The following ZMIZ1 variants were observed in gnomAD, a reference collection of about 807,000 sequenced individuals.
The protein encoded by ZMIZ1 is zinc finger MIZ domain-containing protein 1.
Under a neutral mutation model 113.9 loss-of-function variants are expected in ZMIZ1, and 17 were observed. That is an observed-to-expected ratio of 0.15 (90% CI 0.10 to 0.22). The LOEUF (loss-of-function observed/expected upper bound fraction) is 0.22, where lower values mean the gene tolerates loss of function less well. ZMIZ1 is among the 10% of genes least tolerant of loss of function. The pLI is 1.00. For synonymous variants in ZMIZ1, 607 were observed against 603.1 expected, an observed-to-expected ratio of 1.01 and a Z score of -0.09; for missense variants, 1,059 against 1,477.8, an observed-to-expected ratio of 0.72 and a Z score of 4.65.
intron 2 of ZMIZ1, among the ~76,000 whole-genome samples, chr10:79,138,161 C>T (rs1020404015): frequency 6.6e-5 from 10 of 152,284 alleles, no homozygotes; most frequent in South Asian, 2.1e-4. Flanking sequence ...CCCAGTGCTG[C>T]GGGGTGCCCA....
intron 8 of ZMIZ1, among the ~76,000 whole-genome samples, chr10:79,278,398 A>T (rs986591301): frequency 6.7e-6 from 1 of 149,618 alleles, no homozygotes; most frequent in Non-Finnish European, 1.5e-5. Context: ...TTTTCTTTTT[A>T]TTATTATTAT....
chr10:79,170,324 A>G (rs971758355), intron 4 of ZMIZ1, among the ~76,000 whole-genome samples: 2 of 152,158 alleles, frequency 1.3e-5, no homozygotes, highest in African/African-American at 4.8e-5. Context: ...TTAAAACCTC[A>G]TGACAATCAG....
chr10:79,111,353 AT>A (rs1843730541), intron 1 of ZMIZ1, among the ~76,000 whole-genome samples: 1 of 152,184 alleles, frequency 6.6e-6, no homozygotes, highest in African/African-American at 2.4e-5. Flanking sequence ...GACAAAGAGG[AT>A]TTAGCTCACT....
At chr10:79,234,712 G>C (rs1025058800) in intron 7 of ZMIZ1, among the ~76,000 whole-genome samples, 3 of 152,216 alleles carry the variant, frequency 2.0e-5, no homozygotes, top group Admixed American at 6.5e-5. Context: ...TCTTTGCCTT[G>C]ACAAAATGAT....
intron 7 of ZMIZ1, among the ~76,000 whole-genome samples, chr10:79,249,666 C>T (rs1000703653): frequency 2.6e-5 from 4 of 152,204 alleles, no homozygotes; most frequent in African/African-American, 2.4e-5. Flanking sequence ...TCACATTTCA[C>T]GGGCTAGTGG....
At chr10:79,269,358 C>T (rs1851796243) in intron 7 of ZMIZ1, among the ~76,000 whole-genome samples, 1 of 151,980 alleles carries the variant, frequency 6.6e-6, no homozygotes, top group Non-Finnish European at 1.5e-5. Context: ...GATGCTGCTG[C>T]CATTGCTTCG....
intron 4 of ZMIZ1, among the ~76,000 whole-genome samples, chr10:79,175,185 C>G (rs1220228664): frequency 6.6e-6 from 1 of 152,194 alleles, no homozygotes; most frequent in Non-Finnish European, 1.5e-5. Flanking sequence ...TGGCAGCAAG[C>G]CTTACGCTAA....
At chr10:79,281,795 T>C (rs1852755849) in intron 8 of ZMIZ1, among the ~76,000 whole-genome samples, 2 of 151,986 alleles carry the variant, frequency 1.3e-5, no homozygotes, top group Admixed American at 1.3e-4. Flanking sequence ...GGAAGGAAAA[T>C]TGGGCCCAGA....
At chr10:79,206,830 T>A (rs1848336521) in intron 5 of ZMIZ1, among the ~76,000 whole-genome samples, 1 of 152,254 alleles carries the variant, frequency 6.6e-6, no homozygotes. Flanking sequence ...TTGCCTGCCC[T>A]CTTTCTCTCC....
intron 2 of ZMIZ1, among the ~76,000 whole-genome samples, chr10:79,136,195 C>T (rs1212776876): frequency 6.6e-6 from 1 of 152,196 alleles, no homozygotes; most frequent in African/African-American, 2.4e-5. Flanking sequence ...CTCCAGGCCA[C>T]CTTTTCTTAT....
At chr10:79,280,746 C>A (rs1852681004) in intron 8 of ZMIZ1, among the ~76,000 whole-genome samples, 2 of 112,620 alleles carry the variant, frequency 1.8e-5, no homozygotes, top group South Asian at 5.9e-4. Flanking sequence ...AAGTACCCTC[C>A]CACATTTGAG....
At chr10:79,073,124 T>C (rs933549288) in intron 1 of ZMIZ1, among the ~76,000 whole-genome samples, 1 of 152,116 alleles carries the variant, frequency 6.6e-6, no homozygotes, top group African/African-American at 2.4e-5. Flanking sequence ...AGGACCAAGG[T>C]GTCAGGAGGC....
At chr10:79,187,949 T>G (rs1847418924) in intron 4 of ZMIZ1, among the ~76,000 whole-genome samples, 1 of 152,258 alleles carries the variant, frequency 6.6e-6, no homozygotes, top group African/African-American at 2.4e-5. Flanking sequence ...GATCTGGGTT[T>G]GGATCTCAGC....
chr10:79,268,958 A>G (rs1851768859), intron 7 of ZMIZ1, among the ~76,000 whole-genome samples: 1 of 152,206 alleles, frequency 6.6e-6, no homozygotes, highest in African/African-American at 2.4e-5. Flanking sequence ...AACAGACTGC[A>G]AAGATCATCA....
chr10:79,211,101 G>T (rs1435456001), intron 6 of ZMIZ1, among the ~76,000 whole-genome samples: 1 of 152,182 alleles, frequency 6.6e-6, no homozygotes, highest in Non-Finnish European at 1.5e-5. Flanking sequence ...GCTTGAAGGG[G>T]CTTGGTGGCG....
intron 4 of ZMIZ1, among the ~76,000 whole-genome samples, chr10:79,194,010 C>T (rs1237207863): frequency 6.6e-6 from 1 of 152,336 alleles, no homozygotes; most frequent in Non-Finnish European, 1.5e-5. Context: ...AAGGGGCTGT[C>T]TGGGATGTCC....
intron 7 of ZMIZ1, among the ~76,000 whole-genome samples, chr10:79,221,116 C>T (rs962617960): frequency 1.3e-5 from 2 of 152,202 alleles, no homozygotes; most frequent in African/African-American, 2.4e-5. Context: ...GCTGCATCCC[C>T]CTTCTGTCTC....
chr10:79,212,190 C>T (rs1201599012), intron 6 of ZMIZ1, among the ~76,000 whole-genome samples: 1 of 151,810 alleles, frequency 6.6e-6, no homozygotes, highest in African/African-American at 2.4e-5. Flanking sequence ...CAGTGTCTTG[C>T]TCTGTCGTCC....
intron 2 of ZMIZ1, among the ~76,000 whole-genome samples, chr10:79,132,323 G>A (rs1844806916): frequency 6.6e-6 from 1 of 152,180 alleles, no homozygotes; most frequent in Non-Finnish European, 1.5e-5. Flanking sequence ...GGTAATACAT[G>A]GCAGGGGAGC....
Sources: allele counts gnomAD v4.1 joint callset (sites outside exome capture counted in the v4.1 genomes callset), GRCh38; gene constraint gnomAD v4.1.1; transcripts MANE v1.5; gene names NCBI Gene and HGNC (gene_info 2026-07-23, HGNC 2026-07-21).